Variants in TBL1XR1 observed in about 807,000 individuals in gnomAD.
TBL1XR1 encodes TBL1X/Y related 1.
A neutral mutation model predicts 66.9 loss-of-function variants in TBL1XR1; 5 were observed. The ratio of observed to expected loss-of-function variants is 0.07; its 90% confidence interval spans 0.04 to 0.16. The LOEUF (loss-of-function observed/expected upper bound fraction) is 0.16. TBL1XR1 is among the 10% of genes least tolerant of loss of function. The pLI is 1.00. For missense variants in TBL1XR1, 238 were observed against 623.2 expected (o/e 0.38, Z 6.58); for synonymous variants, 210 against 206.0 (o/e 1.02, Z -0.17).
chr3:177,089,533 GC>G (rs1185047233), intron 2 of TBL1XR1, among the ~76,000 whole-genome samples: 2 of 152,190 alleles, frequency 1.3e-5, no homozygotes, highest in Non-Finnish European at 2.9e-5. Context: ...GTCGGTATCA[GC>G]CTCCTTTTCC....
intron 7 of TBL1XR1, 144 bp from the exon 8 acceptor site, chr3:177,047,693 AGT>A: frequency 1.2e-6 from 1 of 838,368 alleles, no homozygotes; most frequent in Admixed American, 2.5e-5. Context: ...CCTACTTGTG[AGT>A]GCCACTAAAG....
At chr3:177,035,351 C>T (rs1364415568) in intron 12 of TBL1XR1, among the ~76,000 whole-genome samples, 1 of 151,666 alleles carries the variant, frequency 6.6e-6, no homozygotes, top group Non-Finnish European at 1.5e-5. Flanking sequence ...TTCTAAGACT[C>T]ACTTTTTTAG....
chr3:177,037,775 T>C (rs1189198643), intron 12 of TBL1XR1: 2 of 177,874 alleles, frequency 1.1e-5, no homozygotes, highest in Non-Finnish European at 2.3e-5. Flanking sequence ...AAATCTCTCA[T>C]CCATCCATCC....
At chr3:177,123,871 G>T (rs1053243196) in intron 1 of TBL1XR1, among the ~76,000 whole-genome samples, 1 of 151,956 alleles carries the variant, frequency 6.6e-6, no homozygotes, top group Non-Finnish European at 1.5e-5. Flanking sequence ...TTTCATGAAA[G>T]GATGACAAAG....
intron 2 of TBL1XR1, among the ~76,000 whole-genome samples, chr3:177,097,662 A>G (rs1425971273): frequency 6.6e-6 from 1 of 152,232 alleles, no homozygotes; most frequent in Non-Finnish European, 1.5e-5. Flanking sequence ...ATGATTAATT[A>G]TAACAGGTAG....
Position 177,047,309 on chromosome 3 carries a change from T to G in TBL1XR1, c.855A>C (p.Gly285=), listed in dbSNP as rs1716456780. ...NKKGNFILSA[G]VDKTTIIWDA... is the part of the protein sequence containing the mutation. Reference sequence around the variant, plus strand: ...CTTAATGAGCTTTTACCTTGTCTACTCCAGCACTTAGGATGAAATTTCCTT... The same window carrying G: ...CTTAATGAGCTTTTACCTTGTCTACGCCAGCACTTAGGATGAAATTTCCTT... The change falls in exon 9 of 16, where the codon GGA becomes GGC. Residue 285 remains glycine, a synonymous_variant. Coordinates refer to ENST00000457928, the MANE Select transcript of TBL1XR1 (RefSeq NM_024665.7). 6.4e-7 allele frequency: 1 copy of G among 1,560,366 alleles called. No individual in the cohort carries two copies. The highest frequency in any genetic ancestry group is 8.7e-7 in the Non-Finnish European group (1 of 1,151,046).
At chr3:177,139,884 A>C (rs1466337711) in intron 1 of TBL1XR1, among the ~76,000 whole-genome samples, 1 of 152,214 alleles carries the variant, frequency 6.6e-6, no homozygotes, top group African/African-American at 2.4e-5. Flanking sequence ...TCTCACCAGT[A>C]AAATTTCAGA....
chr3:177,092,802 T>A (rs1723002084), intron 2 of TBL1XR1, among the ~76,000 whole-genome samples: 1 of 151,888 alleles, frequency 6.6e-6, no homozygotes, highest in Non-Finnish European at 1.5e-5. Context: ...TAAAAAGAGT[T>A]GAAATCAAGA....
chr3:177,192,607 T>C (rs1736302373), intron 1 of TBL1XR1, among the ~76,000 whole-genome samples: 1 of 152,154 alleles, frequency 6.6e-6, no homozygotes, highest in Non-Finnish European at 1.5e-5. Flanking sequence ...AAGCTAAGTT[T>C]ACTTCAAATG....
At chr3:177,149,459 T>C (rs993248123) in intron 1 of TBL1XR1, among the ~76,000 whole-genome samples, 4 of 152,172 alleles carry the variant, frequency 2.6e-5, no homozygotes, top group Non-Finnish European at 5.9e-5. Flanking sequence ...CTTATTCTCA[T>C]TTTACATATA....
chr3:177,105,778 G>A (rs989798888), intron 1 of TBL1XR1, among the ~76,000 whole-genome samples: 1 of 151,604 alleles, frequency 6.6e-6, no homozygotes, highest in African/African-American at 2.4e-5. Context: ...CACCCACCCC[G>A]TGTCAGTGTG....
upstream of TBL1XR1, among the ~76,000 whole-genome samples, chr3:177,199,484 G>A (rs1169385431): frequency 1.3e-5 from 2 of 150,330 alleles, no homozygotes; most frequent in Non-Finnish European, 3.0e-5. Context: ...CATATCTATT[G>A]GCTTAGATTA....
chr3:177,166,174 C>T (rs1250494613), intron 1 of TBL1XR1, among the ~76,000 whole-genome samples: 1 of 152,036 alleles, frequency 6.6e-6, no homozygotes, highest in Non-Finnish European at 1.5e-5. Flanking sequence ...ATTGGCTGAG[C>T]TCAGGAGTTT....
At chr3:177,036,575 G>A (rs1714816821) in intron 12 of TBL1XR1, among the ~76,000 whole-genome samples, 1 of 152,176 alleles carries the variant, frequency 6.6e-6, no homozygotes, top group Admixed American at 6.5e-5. Context: ...TTCCTCATAT[G>A]TGTCACACAC....
intron 1 of TBL1XR1, among the ~76,000 whole-genome samples, chr3:177,190,919 G>C (rs1736061932): frequency 6.6e-6 from 1 of 152,142 alleles, no homozygotes; most frequent in Non-Finnish European, 1.5e-5. Context: ...ACAATAAACA[G>C]TTATGGGATT....
intron 1 of TBL1XR1, among the ~76,000 whole-genome samples, chr3:177,104,660 A>C (rs1000691768): frequency 1.3e-5 from 2 of 152,214 alleles, no homozygotes; most frequent in African/African-American, 4.8e-5. Context: ...AAAATGATTC[A>C]AAAGTTATCT....
At chr3:177,191,296 G>A (rs916286859) in intron 1 of TBL1XR1, among the ~76,000 whole-genome samples, 2 of 152,172 alleles carry the variant, frequency 1.3e-5, no homozygotes, top group African/African-American at 2.4e-5. Context: ...AGTTACAGAA[G>A]ATAAAATGAA....
intron 1 of TBL1XR1, among the ~76,000 whole-genome samples, chr3:177,171,590 C>A (rs1733506111): frequency 6.7e-6 from 1 of 150,292 alleles, no homozygotes; most frequent in Non-Finnish European, 1.5e-5. Flanking sequence ...GTAGTCCCAG[C>A]TACTCGGGAG....
chr3:177,146,589 C>CAAAAAAAAAAAAAAAAAAA (rs78065426), intron 1 of TBL1XR1, among the ~76,000 whole-genome samples: 2,306 of 51,810 alleles, frequency 0.045, 533 homozygotes, highest in Non-Finnish European at 0.047. Flanking sequence ...GACTCCATCT[C>CAAAAAAAAAAAAAAAAAAA]AAAAAAAAAA....
Sources: allele counts gnomAD v4.1 joint callset (sites outside exome capture counted in the v4.1 genomes callset), GRCh38; gene constraint gnomAD v4.1.1; transcripts MANE v1.5; gene names NCBI Gene and HGNC (gene_info 2026-07-23, HGNC 2026-07-21).